NFATC3: variants seen among roughly 807,000 people sequenced by gnomAD.
NFATC3 encodes the protein nuclear factor of activated T-cells, cytoplasmic 3.
In NFATC3, 46 loss-of-function variants were observed where a neutral mutation model predicts 98.6. The ratio of observed to expected loss-of-function variants is 0.47; its 90% confidence interval spans 0.37 to 0.60. The LOEUF (loss-of-function observed/expected upper bound fraction) is 0.60. NFATC3 is among the 20% of genes least tolerant of loss of function. The pLI is 0.00. For synonymous variants in NFATC3, 512 were observed against 472.2 expected (o/e 1.08, Z -1.09); for missense variants, 1,256 against 1,295.5 (o/e 0.97, Z 0.47).
Position 68,085,645 on chromosome 16 carries a change from C to T in NFATC3, c.-37C>T, listed in dbSNP as rs1233570433. ...CGCCGCTTGCCGCTGCCGCCGCCGC[C>T]GCCTGAGGAGGAGCTGCAGCACCCT... is the stretch of plus-strand genomic sequence containing the variant. On this transcript the variant is annotated 5_prime_UTR_variant, in exon 1 of 10. Transcript: ENST00000346183. The T allele has an allele frequency of 2.0e-6, 3 of 1,476,630 alleles. No homozygotes were observed. The highest frequency in any genetic ancestry group is 2.7e-6 in the Non-Finnish European group (3 of 1,114,950). The allele number at this position is 1,476,630 out of a possible 1,614,324, so 91.5% of individuals were successfully genotyped here.
At chr16:68,192,230 A>AAAATATATATATAT (rs1555522047) in intron 9 of NFATC3, 1 of 82,600 alleles carries the variant, frequency 1.2e-5, no homozygotes, top group African/African-American at 5.7e-5. Context: ...AAAAAAAAAA[A>AAAATATATATATAT]ATATATATAT....
intron 4 of NFATC3, among the ~76,000 whole-genome samples, chr16:68,166,435 A>G (rs1432657389): frequency 2.6e-5 from 4 of 152,190 alleles, no homozygotes; most frequent in African/African-American, 9.7e-5. Context: ...CAGGACTCCA[A>G]AATAGCAAAA....
At chr16:68,105,407 C>T (rs2035600453) in intron 1 of NFATC3, among the ~76,000 whole-genome samples, 1 of 151,992 alleles carries the variant, frequency 6.6e-6, no homozygotes, top group African/African-American at 2.4e-5. Flanking sequence ...TTTTTTTCTT[C>T]ACTCTATTAA....
chr16:68,126,880 A>G (rs1393701772), intron 3 of NFATC3, among the ~76,000 whole-genome samples: 2 of 152,174 alleles, frequency 1.3e-5, no homozygotes, highest in Admixed American at 1.3e-4. Flanking sequence ...ACAAACAAAT[A>G]TGGCCGTATT....
intron 1 of NFATC3, chr16:68,086,555 G>A (rs919639603): frequency 6.6e-5 from 47 of 717,434 alleles, no homozygotes; most frequent in Non-Finnish European, 8.0e-5. Context: ...AATAGAAACA[G>A]GATGACTGGG....
At chr16:68,135,817 CT>C (rs2037374174) in intron 3 of NFATC3, among the ~76,000 whole-genome samples, 1 of 152,032 alleles carries the variant, frequency 6.6e-6, no homozygotes, top group South Asian at 2.1e-4. Context: ...AATCCCAGCA[CT>C]TTGGGAGGCC....
intron 9 of NFATC3, among the ~76,000 whole-genome samples, chr16:68,194,701 A>G (rs1254956546): frequency 6.6e-6 from 1 of 152,120 alleles, no homozygotes; most frequent in Non-Finnish European, 1.5e-5. Flanking sequence ...TTTTTAACCA[A>G]TGAAGATATT....
chr16:68,181,405 A>G, intron 6 of NFATC3, 70 bp from the exon 7 acceptor site: 6 of 1,036,934 alleles, frequency 5.8e-6, no homozygotes, highest in African/African-American at 3.2e-5. Flanking sequence ...GATACTATCC[A>G]TGCATTAGAT....
At chr16:68,112,268 CTTT>C (rs768228927) in intron 1 of NFATC3, among the ~76,000 whole-genome samples, 2 of 77,416 alleles carry the variant, frequency 2.6e-5, no homozygotes, top group African/African-American at 1.1e-4. Flanking sequence ...TAGGTTCAGT[CTTT>C]TTTTTTTTTT....
intron 7 of NFATC3, among the ~76,000 whole-genome samples, chr16:68,182,688 T>C (rs1292920932): frequency 1.3e-5 from 2 of 151,798 alleles, no homozygotes; most frequent in Admixed American, 1.3e-4. Flanking sequence ...GCCTGGCTAA[T>C]TTGTATTTTT....
rs772602157 is a variant in NFATC3, at chr16:68,166,893, G to A, written c.1652G>A (p.Arg551Gln). The A allele has an allele frequency of 9.3e-6, 15 of 1,613,990 alleles. No homozygotes were observed. The highest frequency in any genetic ancestry group is 9.3e-6 in the Non-Finnish European group (11 of 1,179,944). Residue 551 changes from arginine to glutamine, a missense_variant, in exon 5 of 10, where the codon CGA (arginine) becomes CAA (glutamine). Physicochemically the swap from Arg to Gln is conservative, Grantham distance 43. Coordinates refer to ENST00000346183, the MANE Select transcript of NFATC3 (RefSeq NM_173165.3). ...CTCCGCAATTCAGATATAGAACTTC[G>A]AAAAGGAGAAACTGATATTGGCAGA... The part of the protein sequence containing the change: ...LKLRNSDIEL[R>Q]KGETDIGRKN...
chr16:68,216,714 G>C lies in NFATC3; in HGVS notation c.3107-9636G>C, dbSNP rs566213417. Among the ~76,000 whole-genome samples, 54 of 152,148 alleles carry C rather than the reference G, an allele frequency of 3.5e-4. No homozygotes were observed. In the East Asian group the frequency reaches 9.5e-3, roughly 27 times the overall value. On this transcript the variant is annotated intron_variant, in intron 9 of 9. Coordinates refer to ENST00000346183, the MANE Select transcript of NFATC3 (RefSeq NM_173165.3). Reference sequence around the variant, plus strand: ...ACCTGGCTAATATTTTGTATTTTTAGTAGAGATGGGATTTCACCGTGTTGG... The same window carrying C: ...ACCTGGCTAATATTTTGTATTTTTACTAGAGATGGGATTTCACCGTGTTGG...
chr16:68,181,459 CTCTT>C lies in NFATC3; in HGVS notation c.1916-9_1916-6del, dbSNP rs779414693. On this transcript the variant is annotated splice_polypyrimidine_tract_variant and intron_variant, in intron 6 of 9. Coordinates refer to ENST00000346183, the MANE Select transcript of NFATC3 (RefSeq NM_173165.3). ...GATATGAATTGCTTTTAACTATAAA[CTCTT>C]TCTTTCAATAGATGGACGACCTCAG... The C allele has an allele frequency of 7.5e-6, 12 of 1,602,068 alleles. No individual in the cohort carries two copies. Among genetic ancestry groups the C allele is most frequent in the South Asian group, 4.4e-5 (4 of 90,582 alleles).
chr16:68,218,390 C>T lies in NFATC3; in HGVS notation c.3107-7960C>T, dbSNP rs191825645. Among the ~76,000 whole-genome samples the T allele has an allele frequency of 2.0e-5, 3 of 150,986 alleles. No homozygotes were observed. In the East Asian group the frequency reaches 6.1e-4, roughly 31 times the overall value. ...AGGAGTTTGAGACCAGCCTGGGCAA[C>T]ATGGCAAACCCTGTTTCTACCAAAA... On this transcript the variant is annotated intron_variant, in intron 9 of 9. Transcript: ENST00000346183.
intron 2 of NFATC3, among the ~76,000 whole-genome samples, chr16:68,124,765 T>C (rs1382988767): frequency 4.0e-5 from 6 of 149,704 alleles, no homozygotes; most frequent in Non-Finnish European, 7.4e-5. Flanking sequence ...GGAATCTCAC[T>C]GTCGCCCAGG....
chr16:68,130,884 T>C (rs1174517804), intron 3 of NFATC3, among the ~76,000 whole-genome samples: 1 of 152,186 alleles, frequency 6.6e-6, no homozygotes, highest in Non-Finnish European at 1.5e-5. Context: ...GTTCCCAGCA[T>C]AGTTATTGAA....
At chr16:68,148,378 T>C (rs2038147695) in intron 3 of NFATC3, among the ~76,000 whole-genome samples, 1 of 152,182 alleles carries the variant, frequency 6.6e-6, no homozygotes, top group African/African-American at 2.4e-5. Flanking sequence ...ATAGTTTCCA[T>C]AATTAAAGCT....
chr16:68,187,991 G>T (rs1478167199), intron 8 of NFATC3, among the ~76,000 whole-genome samples: 1 of 152,124 alleles, frequency 6.6e-6, no homozygotes, highest in Non-Finnish European at 1.5e-5. Flanking sequence ...GCAAACCAGG[G>T]CTGAGCTGCC....
Position 68,174,443 on chromosome 16 carries a change from G to A in NFATC3, c.1844G>A (p.Gly615Asp), listed in dbSNP as rs757729349. 1.2e-6 allele frequency: 2 copies of A among 1,606,694 alleles called. No homozygotes were observed. The highest frequency in any genetic ancestry group is 1.7e-5 in the Admixed American group (1 of 59,202). ...ATCAACAGTTGTTCTGTAAATGGAG[G>A]TCATGAAATGGTTGTGACTGGATCT... ...YSINSCSVNG[G>D]HEMVVTGSNF... The change falls in exon 6 of 10, where the codon GGT becomes GAT. Residue 615 changes from glycine (G) to aspartate (D), a missense_variant. Physicochemically the swap from Gly to Asp is moderately conservative, Grantham distance 94. Transcript: ENST00000346183.
Sources: gnomAD v4.1 joint callset for allele counts (sites outside exome capture counted in the v4.1 genomes callset) on GRCh38, gnomAD v4.1.1 for gene constraint, MANE v1.5 for transcripts, NCBI Gene and HGNC (gene_info 2026-07-23, HGNC 2026-07-21) for gene names.